The following MYOCD variants were observed in gnomAD, a reference collection of about 807,000 sequenced individuals.
MYOCD encodes myocardin.
A neutral mutation model predicts 96.1 loss-of-function variants in MYOCD; 32 were observed. The observed-to-expected ratio is 0.33, with a 90% CI of 0.25 to 0.45. The LOEUF is 0.45. MYOCD is among the 20% of genes least tolerant of loss of function. The probability of loss-of-function intolerance (pLI) is 1.00; values close to 1 mark genes in which losing one functional copy is unlikely to be tolerated. For missense variants in MYOCD, 1,133 were observed against 1,200.6 expected, an observed-to-expected ratio of 0.94 and a Z score of 0.83; for synonymous variants, 469 against 469.0, an observed-to-expected ratio of 1.00 and a Z score of 0.00.
intron 2 of MYOCD, among the ~76,000 whole-genome samples, chr17:12,708,535 G>A (rs953583403): frequency 2.0e-5 from 3 of 151,988 alleles, no homozygotes; most frequent in Non-Finnish European, 2.9e-5. Flanking sequence ...TGGGACTACA[G>A]GCACGTGCCA....
intron 13 of MYOCD, chr17:12,762,684 C>CTGCT (rs2033212025): frequency 5.8e-6 from 1 of 171,824 alleles, no homozygotes; most frequent in African/African-American, 2.4e-5. Context: ...AAACCCAAAA[C>CTGCT]TGCTGAGTTG....
Position 12,764,720 on chromosome 17 carries a change from G to T in MYOCD, c.*1076G>T, listed in dbSNP as rs1290755096. On this transcript the variant is annotated 3_prime_UTR_variant, in exon 14 of 14. Transcript: ENST00000425538. ...TCCTTCAAGGTACCAATCCTTTCCT[G>T]TTCCTCGTTTGGCCATCTTTCTTTT... 1 of 152,152 alleles carries T rather than the reference G, an allele frequency of 6.6e-6. No individual in the cohort carries two copies. The highest frequency in any genetic ancestry group is 1.5e-5 in the Non-Finnish European group (1 of 68,050). The allele number at this position is 152,152 out of a possible 1,614,324, so 9.4% of individuals were successfully genotyped here.
intron 5 of MYOCD, 72 bp downstream of exon 5, chr17:12,723,080 C>A: frequency 6.8e-7 from 1 of 1,466,350 alleles, no homozygotes; most frequent in Non-Finnish European, 9.3e-7. Context: ...CTCTGACATA[C>A]TAGGATCTTT....
chr17:12,767,485 A>G lies in MYOCD; in HGVS notation c.*3841A>G, dbSNP rs984656080. 1 of 152,244 alleles carries G rather than the reference A, an allele frequency of 6.6e-6. No homozygotes were observed. Among genetic ancestry groups the G allele is most frequent in the Admixed American group, 6.5e-5 (1 of 15,280 alleles). 9.4% of individuals were successfully genotyped at this position (152,244 alleles called of 1,614,324 possible). The stretch of plus-strand genomic sequence containing the variant: ...ATGGGCAGAGCACACAAATCTTCAG[A>G]TAAACAATACTGAATTGATTCAGCA... On this transcript the variant is annotated 3_prime_UTR_variant, in exon 14 of 14. Transcript: ENST00000425538.
Position 12,733,881 on chromosome 17 carries a change from GAAAA to G in MYOCD, c.416-2276_416-2273del, listed in dbSNP as rs1278377649. On this transcript the variant is annotated intron_variant, in intron 5 of 13. Coordinates refer to ENST00000425538, the MANE Select transcript of MYOCD (RefSeq NM_001146312.3). The stretch of plus-strand genomic sequence containing the variant: ...ACTCCGTCTCAAAAAAAAGAAAAAA[GAAAA>G]AAAGAAAGAAATGAGAAAATGTGCC... 7.0e-5 allele frequency among the ~76,000 whole-genome samples: 10 copies of G among 143,016 alleles called. 1 individual carries two copies. The East Asian group carries it at 1.3e-3, about 18-fold the overall frequency. The allele number at this position is 143,016 out of a possible 152,430, so 93.8% of individuals were successfully genotyped here.
chr17:12,745,312 C>T (rs949894143), intron 8 of MYOCD, among the ~76,000 whole-genome samples: 6 of 152,078 alleles, frequency 3.9e-5, no homozygotes, highest in Non-Finnish European at 1.5e-5. Context: ...CAGGTTCAAG[C>T]GATTCTCCTG....
intron 11 of MYOCD, 45 bp downstream of exon 11, chr17:12,756,602 C>A (rs1273324800): frequency 2.0e-6 from 3 of 1,480,288 alleles, no homozygotes; most frequent in Admixed American, 2.1e-5. Flanking sequence ...CACTTTGCCT[C>A]TTCTCTCTTC....
At chr17:12,745,629 C>A (rs1363263483) in intron 8 of MYOCD, among the ~76,000 whole-genome samples, 4 of 152,202 alleles carry the variant, frequency 2.6e-5, no homozygotes, top group Non-Finnish European at 5.9e-5. Flanking sequence ...CAAGCTTCAC[C>A]AGGTGTGTTT....
intron 1 of MYOCD, among the ~76,000 whole-genome samples, chr17:12,688,783 C>A (rs1052340922): frequency 1.4e-5 from 2 of 147,872 alleles, no homozygotes; most frequent in Non-Finnish European, 3.0e-5. Flanking sequence ...CTTCAGGATC[C>A]TTTCCTTCTT....
At chr17:12,722,306 G>C (rs2031862158) in intron 4 of MYOCD, among the ~76,000 whole-genome samples, 1 of 152,172 alleles carries the variant, frequency 6.6e-6, no homozygotes. Flanking sequence ...GCCTGTGGAT[G>C]AATTCAACTT....
At chr17:12,683,973 A>C (rs1292098095) in intron 1 of MYOCD, among the ~76,000 whole-genome samples, 1 of 152,182 alleles carries the variant, frequency 6.6e-6, no homozygotes, top group African/African-American at 2.4e-5. Context: ...CATTACTTCA[A>C]AGGCTCCTGG....
At chr17:12,721,600 A>T (rs2031842541) in intron 4 of MYOCD, among the ~76,000 whole-genome samples, 1 of 152,190 alleles carries the variant, frequency 6.6e-6, no homozygotes, top group African/African-American at 2.4e-5. Context: ...GGCTCTCTGG[A>T]ATGGTAGATT....
intron 1 of MYOCD, among the ~76,000 whole-genome samples, chr17:12,697,720 C>G (rs2030846848): frequency 6.6e-6 from 1 of 151,760 alleles, no homozygotes; most frequent in South Asian, 2.1e-4. Context: ...AGTTTGCCAT[C>G]TTGAAACAGA....
At position 12,729,357 on chromosome 17, in the gene MYOCD, C is replaced by T. The variant is rs535556237; in HGVS notation, c.415+6349C>T. On this transcript the variant is annotated intron_variant, in intron 5 of 13. Transcript: ENST00000425538. ...GGGAGTGGCGGGAGGAAAGGGTGAG[C>T]GCTGAGAGAGAAAGGAAGTGCCTGG... 2.2e-4 allele frequency among the ~76,000 whole-genome samples: 33 copies of T among 151,860 alleles called. No individual in the cohort carries two copies. In the South Asian group the frequency reaches 3.1e-3, roughly 14 times the overall value.
chr17:12,745,795 G>T (rs943035515), intron 8 of MYOCD, 124 bp from the exon 9 acceptor site: 13 of 966,522 alleles, frequency 1.3e-5, no homozygotes, highest in African/African-American at 4.9e-5. Context: ...CCTCACCCTG[G>T]TCTCTTCTGC....
At chr17:12,688,600 TTCCTTCCTTCCCTC>T (rs1169658753) in intron 1 of MYOCD, among the ~76,000 whole-genome samples, 1 of 148,976 alleles carries the variant, frequency 6.7e-6, no homozygotes, top group Non-Finnish European at 1.5e-5. Context: ...TTCCATCTCC[TTCCTTCCTTCCCTC>T]TCCTTCCTTC....
intron 13 of MYOCD, 110 bp from the exon 14 acceptor site, chr17:12,762,963 G>A (rs765286046): frequency 1.3e-5 from 11 of 835,602 alleles, no homozygotes; most frequent in African/African-American, 3.4e-5. Flanking sequence ...GGTGGTGAGC[G>A]GTGACCAGGG....
intron 1 of MYOCD, among the ~76,000 whole-genome samples, chr17:12,693,853 T>C (rs2030605520): frequency 6.6e-6 from 1 of 151,902 alleles, no homozygotes; most frequent in Non-Finnish European, 1.5e-5. Flanking sequence ...CTGATGACAA[T>C]GGCCAAAAGA....
intron 1 of MYOCD, among the ~76,000 whole-genome samples, chr17:12,680,482 C>T (rs552521696): frequency 1.1e-4 from 17 of 152,280 alleles, no homozygotes; most frequent in East Asian, 5.8e-4. Flanking sequence ...GATGAACAAG[C>T]GAACACAAGA....
Sources: allele counts gnomAD v4.1 joint callset (sites outside exome capture counted in the v4.1 genomes callset), GRCh38; gene constraint gnomAD v4.1.1; transcripts MANE v1.5; gene names NCBI Gene and HGNC (gene_info 2026-07-23, HGNC 2026-07-21).